Variants in KPNA3 observed in about 807,000 individuals in gnomAD.
KPNA3 encodes karyopherin subunit alpha 3.
In KPNA3, 13 loss-of-function variants were observed where a neutral mutation model predicts 73.8. The observed-to-expected ratio is 0.18, with a 90% CI of 0.11 to 0.28. The LOEUF (loss-of-function observed/expected upper bound fraction) is 0.28, where lower values mean the gene tolerates loss of function less well. KPNA3 is among the 10% of genes least tolerant of loss of function. The pLI, the probability that KPNA3 is intolerant of heterozygous loss-of-function variation, is 1.00. For synonymous variants in KPNA3, 186 were observed against 206.9 expected (o/e 0.90, Z 0.87); for missense variants, 360 against 618.1 (o/e 0.58, Z 4.43).
chr13:49,767,843 C>T (rs1305538598), intron 1 of KPNA3, among the ~76,000 whole-genome samples: 1 of 152,208 alleles, frequency 6.6e-6, no homozygotes, highest in Non-Finnish European at 1.5e-5. Context: ...GACTTGTTTA[C>T]TGTACAAAGT....
At chr13:49,705,860 G>T in intron 14 of KPNA3, 77 bp from the exon 15 acceptor site, 1 of 1,293,110 alleles carries the variant, frequency 7.7e-7, no homozygotes. Flanking sequence ...CTACATGGAA[G>T]GCTGAGGCAG....
In KPNA3 at chr13:49,725,510, A is replaced by G; in HGVS notation, c.384-9T>C. On this transcript the variant is annotated splice_polypyrimidine_tract_variant and intron_variant, in intron 6 of 16. Transcript: ENST00000261667. ...CAAACTGTAATGAAGGACTGTAAAA[A>G]AACAATAACACATCTTTTTAGACAC... 8 of 1,553,064 alleles carry G rather than the reference A, an allele frequency of 5.2e-6. No homozygotes were observed. The highest frequency in any genetic ancestry group is 1.4e-5 in the African/African-American group (1 of 71,228).
intron 2 of KPNA3, among the ~76,000 whole-genome samples, chr13:49,740,814 C>T (rs1282840954): frequency 6.6e-6 from 1 of 152,126 alleles, no homozygotes; most frequent in South Asian, 2.1e-4. Flanking sequence ...CCCTGTACCC[C>T]CCACCCCTGG....
rs1954242195 is a variant in KPNA3, at chr13:49,709,706, G to A, written c.904-6C>T. 1.9e-6 allele frequency: 3 copies of A among 1,607,408 alleles called. No individual in the cohort carries two copies. The highest frequency in any genetic ancestry group is 2.5e-6 in the Non-Finnish European group (3 of 1,177,840). ...ACTGCTCTGAGGGCTGCTGTCTAGG[G>A]TGGGGATAAAATGTTTTCTATAAAT... On this transcript the variant is annotated splice_region_variant and splice_polypyrimidine_tract_variant and intron_variant, in intron 11 of 16. Coordinates refer to ENST00000261667, the MANE Select transcript of KPNA3 (RefSeq NM_002267.4).
At chr13:49,732,079 A>G (rs1243766057) in intron 6 of KPNA3, among the ~76,000 whole-genome samples, 1 of 152,210 alleles carries the variant, frequency 6.6e-6, no homozygotes, top group Non-Finnish European at 1.5e-5. Flanking sequence ...TTGTTTTAAA[A>G]TATTAGTAAT....
Position 49,706,185 on chromosome 13 carries a change from GA to G in KPNA3, c.1138-17del. On this transcript the variant is annotated splice_polypyrimidine_tract_variant and intron_variant, in intron 13 of 16. Coordinates refer to ENST00000261667, the MANE Select transcript of KPNA3 (RefSeq NM_002267.4). ...CAAAGTCCCCCTGAAGGTTAAAAAT[GA>G]GATCATAAAATGGACTCTTTATCCA... The G allele has an allele frequency of 6.2e-7, 1 of 1,613,206 alleles. No homozygotes were observed.
At chr13:49,707,381 A>G (rs1001354033) in intron 12 of KPNA3, among the ~76,000 whole-genome samples, 7 of 152,200 alleles carry the variant, frequency 4.6e-5, no homozygotes, top group African/African-American at 1.4e-4. Context: ...TCACTATACT[A>G]TTCTTGCACA....
At chr13:49,777,854 G>A (rs558314448) in intron 1 of KPNA3, among the ~76,000 whole-genome samples, 77 of 152,118 alleles carry the variant, frequency 5.1e-4, no homozygotes, top group Non-Finnish European at 9.0e-4. Context: ...ACTGCAATAT[G>A]AGGAAACCTT....
chr13:49,733,715 A>G (rs1167925269), intron 2 of KPNA3, among the ~76,000 whole-genome samples: 1 of 152,240 alleles, frequency 6.6e-6, no homozygotes, highest in African/African-American at 2.4e-5. Flanking sequence ...GCAATGGGAC[A>G]TTAAGCAAAC....
At chr13:49,786,781 G>A (rs1173334675) in intron 1 of KPNA3, among the ~76,000 whole-genome samples, 2 of 152,198 alleles carry the variant, frequency 1.3e-5, no homozygotes, top group African/African-American at 4.8e-5. Flanking sequence ...ACTATGTGTG[G>A]CATGCTAAGG....
chr13:49,709,658 C>T lies in KPNA3; in HGVS notation c.946G>A (p.Asp316Asn), dbSNP rs745414229. The change falls in exon 12 of 17, where the codon GAC becomes AAC. Residue 316 changes from aspartate to asparagine, a missense_variant. Around this residue, in one of 3 missense-constraint regions of KPNA3, gnomAD observed 287 missense variants for 549.1 expected, o/e 0.52. Transcript: ENST00000261667. ...TTGAGAACAACCTGGGTCTGCTCGT[C>T]GGTGCCAGTCACTATGTTGCCAACT... ...RAVGNIVTGT[D>N]EQTQVVLNCD... is the part of the protein sequence containing the mutation. 2 of 1,613,862 alleles carry T rather than the reference C, an allele frequency of 1.2e-6. No individual in the cohort carries two copies. Among genetic ancestry groups the T allele is most frequent in the South Asian group, 1.1e-5 (1 of 91,080 alleles).
intron 1 of KPNA3, among the ~76,000 whole-genome samples, chr13:49,760,573 T>C (rs1224494123): frequency 3.3e-5 from 5 of 152,186 alleles, no homozygotes; most frequent in African/African-American, 1.2e-4. Flanking sequence ...AATCGCAATG[T>C]GTGGACCTTG....
chr13:49,775,162 C>CAAAAAAAAAAAAA (rs60494803), intron 1 of KPNA3, among the ~76,000 whole-genome samples: 74 of 93,048 alleles, frequency 8.0e-4, no homozygotes, highest in South Asian at 1.3e-3. Flanking sequence ...GACTCTGTCT[C>CAAAAAAAAAAAAA]AAAAAAAAAA....
chr13:49,754,461 AAGAAAG>A (rs1388256305), intron 1 of KPNA3, among the ~76,000 whole-genome samples: 4 of 152,106 alleles, frequency 2.6e-5, no homozygotes, highest in African/African-American at 9.7e-5. Flanking sequence ...TGCAAACATT[AAGAAAG>A]AGAGAAAGTC....
At chr13:49,752,781 C>T (rs1954674462) in intron 1 of KPNA3, among the ~76,000 whole-genome samples, 1 of 151,966 alleles carries the variant, frequency 6.6e-6, no homozygotes, top group Non-Finnish European at 1.5e-5. Context: ...GTAATCCCAG[C>T]ACTTTGGGAG....
chr13:49,705,084 C>T (rs541971986), intron 15 of KPNA3, among the ~76,000 whole-genome samples: 3 of 152,186 alleles, frequency 2.0e-5, no homozygotes, highest in South Asian at 2.1e-4. Context: ...TCAGGCCAGG[C>T]GCAGTGGCTC....
At chr13:49,717,662 C>T (rs939818343) in intron 10 of KPNA3, among the ~76,000 whole-genome samples, 4 of 152,064 alleles carry the variant, frequency 2.6e-5, no homozygotes, top group South Asian at 2.1e-4. Flanking sequence ...TCTTTTACAA[C>T]GTTTGTAGAT....
In KPNA3 at chr13:49,701,807, T is replaced by C; in HGVS notation, c.1559A>G (p.Asn520Ser). 1.3e-6 allele frequency: 2 copies of C among 1,598,572 alleles called. No individual in the cohort carries two copies. The highest frequency in any genetic ancestry group is 1.7e-6 in the Non-Finnish European group (2 of 1,165,832). Residue 520 changes from asparagine to serine, a missense_variant, in exon 17 of 17, where the codon AAT (asparagine) becomes AGT (serine). Asn to Ser is a conservative substitution (Grantham distance 46, BLOSUM62 1). This residue lies in a region of KPNA3 where 38 missense variants were observed against 39.0 expected (regional missense o/e 0.98). Transcript: ENST00000261667. ...PTANLQTKEF[N>S]F ...TGCTGCACTCAACTGAATTTAAAAATTAAATTCTTTTGTTTGAAGGTTGGC... is the reference window on the plus strand; with the variant it reads ...TGCTGCACTCAACTGAATTTAAAAACTAAATTCTTTTGTTTGAAGGTTGGC...
chr13:49,768,470 T>C (rs11619318), intron 1 of KPNA3, among the ~76,000 whole-genome samples: 13 of 152,260 alleles, frequency 8.5e-5, no homozygotes, highest in Admixed American at 7.8e-4. Context: ...ACTGATATTG[T>C]TGAAATCAGG....
Sources: allele counts gnomAD v4.1 joint callset (sites outside exome capture counted in the v4.1 genomes callset), GRCh38; gene constraint gnomAD v4.1.1; regional missense constraint gnomAD v4.1.1; transcripts MANE v1.5; gene names NCBI Gene and HGNC (gene_info 2026-07-23, HGNC 2026-07-21).